The following KLHDC4 variants were observed in gnomAD, a reference collection of about 807,000 sequenced individuals.
KLHDC4 encodes the protein kelch domain containing 4.
In KLHDC4, 90 loss-of-function variants were observed where a neutral mutation model predicts 62.4. The observed-to-expected ratio is 1.44, with a 90% CI of 1.22 to 1.72. The LOEUF (loss-of-function observed/expected upper bound fraction) is 1.72, where lower values mean the gene tolerates loss of function less well. Among genes scored for constraint, KLHDC4 ranks in the 40% most tolerant of loss-of-function variants. The pLI, the probability that KLHDC4 is intolerant of heterozygous loss-of-function variation, is 0.00. For missense variants in KLHDC4, 1,025 were observed against 699.7 expected (o/e 1.47, Z -5.25); for synonymous variants, 386 against 284.4 (o/e 1.36, Z -3.59).
chr16:87,747,425 G>C lies in KLHDC4; in HGVS notation c.506+1248C>G, dbSNP rs1001878535. ...CTGTGTGCTGAGTGGAAATACGTGA[G>C]CTTCAAGATATACACAAAGAAATCC... On this transcript the variant is annotated intron_variant, in intron 5 of 11. Transcript: ENST00000270583. 1.3e-5 allele frequency among the ~76,000 whole-genome samples: 2 copies of C among 152,244 alleles called. 1 individual carries two copies. Among genetic ancestry groups the C allele is most frequent in the Admixed American group, 1.3e-4 (2 of 15,284 alleles).
chr16:87,716,459 T>C (rs1436339056), intron 7 of KLHDC4, among the ~76,000 whole-genome samples: 1 of 152,196 alleles, frequency 6.6e-6, no homozygotes, highest in African/African-American at 2.4e-5. Context: ...TAGGAGCCTT[T>C]ACAGCTACTC....
chr16:87,707,408 G>A (rs572502344), downstream of KLHDC4, among the ~76,000 whole-genome samples: 28 of 152,324 alleles, frequency 1.8e-4, no homozygotes, highest in South Asian at 1.9e-3. Flanking sequence ...GAGACCACGC[G>A]GCGGCAGGTG....
At chr16:87,723,610 A>T (rs1327454027) in intron 7 of KLHDC4, among the ~76,000 whole-genome samples, 3 of 152,242 alleles carry the variant, frequency 2.0e-5, no homozygotes, top group Non-Finnish European at 4.4e-5. Flanking sequence ...ACTCCAGAAA[A>T]TAGGGTGATT....
chr16:87,731,805 A>G (rs1332607818), intron 5 of KLHDC4, among the ~76,000 whole-genome samples: 1 of 152,214 alleles, frequency 6.6e-6, no homozygotes, highest in Non-Finnish European at 1.5e-5. Context: ...GCTGTCCCTC[A>G]GTGGGTGAAT....
chr16:87,752,728 C>A (rs980475342), intron 4 of KLHDC4, among the ~76,000 whole-genome samples: 1 of 152,130 alleles, frequency 6.6e-6, no homozygotes, highest in Admixed American at 6.6e-5. Context: ...GCAGGCTGAT[C>A]AGCAGTCTAA....
Position 87,709,711 on chromosome 16 carries a change from G to A in KLHDC4, c.1045-44C>T. 3.3e-6 allele frequency: 5 copies of A among 1,513,018 alleles called. 1 individual carries two copies. The highest frequency in any genetic ancestry group is 4.4e-6 in the Non-Finnish European group (5 of 1,126,836). 93.7% of individuals were successfully genotyped at this position (1,513,018 alleles called of 1,614,324 possible). On this transcript the variant is annotated intron_variant, in intron 9 of 11. Transcript: ENST00000270583. ...AGCAGAGAGCAGCAGCTTCAGCGAG[G>A]CAGGGGTCATTCCTGCTATGCCCAC...
rs111444781 is a variant in KLHDC4, at chr16:87,722,024, C to A, written c.759+4741G>T. On this transcript the variant is annotated intron_variant, in intron 7 of 11. Transcript: ENST00000270583. ...CTCTCTAAAGGAACGAGAACTCCCC[C>A]TCTCCAGAAGCTCCCACGACACCGG... is the stretch of plus-strand genomic sequence containing the variant. Among the ~76,000 whole-genome samples, 959 of 152,272 alleles carry A rather than the reference C, an allele frequency of 6.3e-3. 12 individuals carry two copies. Among genetic ancestry groups the A allele is most frequent in the Middle Eastern group, 0.017 (5 of 294 alleles).
exon 1 of KLHDC4, chr16:87,698,171 T>C (rs987268285): frequency 6.6e-6 from 1 of 152,502 alleles, no homozygotes. Context: ...GTTTTATTGT[T>C]TTCCGTTACA....
downstream of KLHDC4, among the ~76,000 whole-genome samples, chr16:87,706,763 A>G (rs968934496): frequency 6.6e-6 from 1 of 152,142 alleles, no homozygotes; most frequent in African/African-American, 2.4e-5. Context: ...GAGCTGGCCG[A>G]GTGCCCCTGA....
intron 5 of KLHDC4, among the ~76,000 whole-genome samples, chr16:87,731,914 A>C (rs4843690): frequency 6.6e-6 from 1 of 152,150 alleles, no homozygotes; most frequent in East Asian, 1.9e-4. Flanking sequence ...TCTTAAAAAC[A>C]TCTCGCTGAA....
intron 5 of KLHDC4, among the ~76,000 whole-genome samples, chr16:87,735,631 G>A (rs940263131): frequency 3.9e-5 from 6 of 152,190 alleles, no homozygotes; most frequent in South Asian, 2.1e-4. Context: ...AAGATTCCAC[G>A]TCCCTCTTTA....
intron 7 of KLHDC4, among the ~76,000 whole-genome samples, chr16:87,723,366 G>A (rs1227474748): frequency 6.6e-6 from 1 of 152,270 alleles, no homozygotes; most frequent in African/African-American, 2.4e-5. Context: ...GTCAGACTGA[G>A]GGCGGGTGCA....
At position 87,755,291 on chromosome 16, in the gene KLHDC4, G is replaced by C; in HGVS notation, c.272C>G (p.Thr91Ser). The change falls in exon 4 of 12, where the codon ACT becomes AGT. Residue 91 changes from threonine to serine, a missense_variant and splice_region_variant. By Grantham distance (58) the Thr-to-Ser change is moderately conservative. Coordinates refer to ENST00000270583, the MANE Select transcript of KLHDC4 (RefSeq NM_017566.4). Reference sequence around the variant, plus strand: ...GACATAGAGCTCGTTATACAAAAAAGTCTACAGGAAGGAAGAAGAATGTCA... The same window carrying C: ...GACATAGAGCTCGTTATACAAAAAACTCTACAGGAAGGAAGAAGAATGTCA... ...FGGEYFNGQK[T>S]FLYNELYVYN... 1.9e-6 allele frequency: 3 copies of C among 1,563,882 alleles called. No individual in the cohort carries two copies. Among genetic ancestry groups the C allele is most frequent in the Non-Finnish European group, 2.6e-6 (3 of 1,135,124 alleles).
At chr16:87,758,011 C>T (rs1181182701) in intron 2 of KLHDC4, among the ~76,000 whole-genome samples, 1 of 152,186 alleles carries the variant, frequency 6.6e-6, no homozygotes, top group Non-Finnish European at 1.5e-5. Flanking sequence ...TCTAAGACGG[C>T]GTTCCCCAAG....
chr16:87,748,808 G>T lies in KLHDC4; in HGVS notation c.371C>A (p.Ala124Glu), dbSNP rs374624924. 74 of 1,611,992 alleles carry T rather than the reference G, an allele frequency of 4.6e-5. No individual in the cohort carries two copies. The highest frequency in any genetic ancestry group is 5.6e-5 in the Non-Finnish European group (66 of 1,179,630). The change falls in exon 5 of 12, where the codon GCG becomes GAG. Residue 124 changes from alanine (A) to glutamate (E), a missense_variant and splice_region_variant. By Grantham distance (107) the Ala-to-Glu change is moderately radical (BLOSUM62 -1). Coordinates refer to ENST00000270583, the MANE Select transcript of KLHDC4 (RefSeq NM_017566.4). ...TCCGCCACCTTGAGGCACTACCACCGCCTGTGAAAAGAAAGGTGACAGGTC... is the reference window on the plus strand; with the variant it reads ...TCCGCCACCTTGAGGCACTACCACCTCCTGTGAAAAGAAAGGTGACAGGTC... ...SPPPRRCAHQAVVVPQGGGQL... is the reference protein window; with the variant it reads ...SPPPRRCAHQEVVVPQGGGQL...
At chr16:87,740,857 A>T (rs1236583133) in intron 5 of KLHDC4, 1 of 152,138 alleles carries the variant, frequency 6.6e-6, no homozygotes, top group Non-Finnish European at 1.5e-5. Context: ...AAACACACAG[A>T]AACAAAAATA....
At chr16:87,765,503 A>C (rs951976462) in intron 1 of KLHDC4, among the ~76,000 whole-genome samples, 1 of 150,648 alleles carries the variant, frequency 6.6e-6, no homozygotes, top group Admixed American at 6.6e-5. Flanking sequence ...GGGAGAAGGG[A>C]GGAGGGGGAG....
intron 5 of KLHDC4, among the ~76,000 whole-genome samples, chr16:87,745,254 A>G (rs2143019838): frequency 6.6e-6 from 1 of 151,604 alleles, no homozygotes; most frequent in African/African-American, 2.4e-5. Context: ...GGCCGGCCAT[A>G]GGGTGCCCTC....
intron 2 of KLHDC4, among the ~76,000 whole-genome samples, chr16:87,758,947 G>A (rs998442838): frequency 7.9e-5 from 12 of 152,034 alleles, no homozygotes; most frequent in Non-Finnish European, 8.8e-5. Context: ...AGGCCGAGGC[G>A]GGCGGATCAC....
Sources: allele counts gnomAD v4.1 joint callset (sites outside exome capture counted in the v4.1 genomes callset), GRCh38; gene constraint gnomAD v4.1.1; transcripts MANE v1.5; gene names NCBI Gene and HGNC (gene_info 2026-07-23, HGNC 2026-07-21).